The following RAC1 variants were observed in gnomAD, a reference collection of about 807,000 sequenced individuals.
RAC1 encodes the protein ras-related C3 botulinum toxin substrate 1.
In RAC1, 2 loss-of-function variants were observed where a neutral mutation model predicts 25.2. That is an observed-to-expected ratio of 0.08 (90% CI 0.03 to 0.25). RAC1 has a LOEUF of 0.25. RAC1 is among the 10% of genes least tolerant of loss of function. The pLI is 1.00. For missense variants in RAC1, 50 were observed against 235.7 expected (o/e 0.21, Z 5.16); for synonymous variants, 88 against 94.0 (o/e 0.94, Z 0.37).
At chr7:6,386,494 C>G (rs1374214658) in intron 1 of RAC1, among the ~76,000 whole-genome samples, 1 of 151,842 alleles carries the variant, frequency 6.6e-6, no homozygotes, top group Non-Finnish European at 1.5e-5. Flanking sequence ...AATTAAAATA[C>G]CTTTAGGCTG....
At position 6,402,277 on chromosome 7, in the gene RAC1, G is replaced by T. The variant is rs1422286408; in HGVS notation, c.449-39G>T. 12 of 1,568,102 alleles carry T rather than the reference G, an allele frequency of 7.7e-6. 1 individual carries two copies. The highest frequency in any genetic ancestry group is 1.0e-5 in the Non-Finnish European group (12 of 1,155,768). On this transcript the variant is annotated intron_variant, in intron 5 of 5. Transcript: ENST00000348035. ...TGGTGGTGTGATCAGAAGAGAGTGGGGTCGAGTGTACATTGCCGTGTGGTC... is the reference window on the plus strand; with the variant it reads ...TGGTGGTGTGATCAGAAGAGAGTGGTGTCGAGTGTACATTGCCGTGTGGTC...
intron 3 of RAC1, among the ~76,000 whole-genome samples, chr7:6,395,823 C>G (rs757446889): frequency 6.6e-6 from 1 of 152,152 alleles, no homozygotes; most frequent in Non-Finnish European, 1.5e-5. Flanking sequence ...TTTTAAAATT[C>G]CAAACTTGAA....
At chr7:6,396,163 C>G (rs565970453) in intron 3 of RAC1, among the ~76,000 whole-genome samples, 20 of 152,226 alleles carry the variant, frequency 1.3e-4, no homozygotes, top group African/African-American at 4.6e-4. Flanking sequence ...GGCCGGTGAC[C>G]GGAGACAGCC....
intron 3 of RAC1, among the ~76,000 whole-genome samples, chr7:6,392,680 C>T (rs28465670): frequency 7.9e-5 from 12 of 152,158 alleles, no homozygotes; most frequent in African/African-American, 2.2e-4. Flanking sequence ...ACATTGTTGT[C>T]ATTAAAAGTT....
intron 3 of RAC1, among the ~76,000 whole-genome samples, chr7:6,392,959 C>T (rs950798939): frequency 3.3e-5 from 5 of 152,178 alleles, no homozygotes; most frequent in East Asian, 1.9e-4. Context: ...TGGGGCCAGC[C>T]GCTGTCAGAA....
At chr7:6,397,931 G>C (rs1489545658) in intron 3 of RAC1, among the ~76,000 whole-genome samples, 1 of 152,218 alleles carries the variant, frequency 6.6e-6, no homozygotes, top group African/African-American at 2.4e-5. Context: ...AGAGGTTGCA[G>C]TGAGCTGAGA....
rs139010955 is a variant in RAC1, at chr7:6,387,251, C to G, written c.75C>G (p.Thr25=). 284 of 1,569,184 alleles carry G rather than the reference C, an allele frequency of 1.8e-4. 2 individuals are homozygous for G. The African/African-American group carries it at 3.6e-3, about 20-fold the overall frequency. The change falls in exon 2 of 6, where the codon ACC becomes ACG. Residue 25 remains threonine (T), a synonymous_variant. Transcript: ENST00000348035. The part of the protein sequence containing the change: ...GKTCLLISYT[T]NAFPGEYIPT... Reference sequence around the variant, plus strand: ...CTTGCCTACTGATCAGTTACACAACCAATGCATTTCCTGGAGAATATATCC... The same window carrying G: ...CTTGCCTACTGATCAGTTACACAACGAATGCATTTCCTGGAGAATATATCC...
intron 1 of RAC1, among the ~76,000 whole-genome samples, chr7:6,375,409 A>G (rs34593300): frequency 0.075 from 11,423 of 151,946 alleles, 762 homozygotes; most frequent in African/African-American, 0.17. Context: ...AGTTTTTTGT[A>G]GAAATGGGGT....
chr7:6,386,313 G>C (rs1277449077), intron 1 of RAC1, among the ~76,000 whole-genome samples: 1 of 152,132 alleles, frequency 6.6e-6, no homozygotes, highest in Non-Finnish European at 1.5e-5. Flanking sequence ...GAATCAATGT[G>C]ATGGCAGTTA....
At position 6,402,468 on chromosome 7, in the gene RAC1, G is replaced by A. The variant is rs916666566; in HGVS notation, c.*22G>A. 1 of 1,288,426 alleles carries A rather than the reference G, an allele frequency of 7.8e-7. No individual in the cohort carries two copies. Among genetic ancestry groups the A allele is most frequent in the Non-Finnish European group, 1.0e-6 (1 of 988,432 alleles). 79.8% of individuals were successfully genotyped at this position (1,288,426 alleles called of 1,614,324 possible). On this transcript the variant is annotated 3_prime_UTR_variant, in exon 6 of 6. Coordinates refer to ENST00000348035, the MANE Select transcript of RAC1 (RefSeq NM_006908.5). Reference sequence around the variant, plus strand: ...GTAAATGTCTCAGCCCCTCGTTCTTGGTCCTGTCCCTTGGAACCTTTGTAC... The same window carrying A: ...GTAAATGTCTCAGCCCCTCGTTCTTAGTCCTGTCCCTTGGAACCTTTGTAC...
chr7:6,382,518 G>A (rs1782797647), intron 1 of RAC1, among the ~76,000 whole-genome samples: 1 of 152,116 alleles, frequency 6.6e-6, no homozygotes, highest in Non-Finnish European at 1.5e-5. Context: ...TTGGTTTATA[G>A]ATTTCAGGAA....
At chr7:6,384,708 G>A (rs1006440795) in intron 1 of RAC1, among the ~76,000 whole-genome samples, 1 of 151,846 alleles carries the variant, frequency 6.6e-6, no homozygotes, top group Non-Finnish European at 1.5e-5. Flanking sequence ...TGGGCTCAGC[G>A]ATCCTCCCAC....
chr7:6,401,496 A>G (rs1157312998), intron 4 of RAC1: 1 of 159,324 alleles, frequency 6.3e-6, no homozygotes, highest in Non-Finnish European at 1.4e-5. Context: ...ATTTCTGAAC[A>G]GATGATGAAT....
At chr7:6,383,784 C>CTT (rs34847745) in intron 1 of RAC1, among the ~76,000 whole-genome samples, 741 of 39,740 alleles carry the variant, frequency 0.019, 90 homozygotes, top group East Asian at 0.068. Context: ...CAACCTTTAT[C>CTT]TTTTTTTTTT....
chr7:6,401,819 A>G, intron 4 of RAC1, 49 bp from the exon 5 acceptor site: 1 of 1,562,732 alleles, frequency 6.4e-7, no homozygotes, highest in Non-Finnish European at 8.7e-7. Context: ...TAGGTGAAGG[A>G]CATCTGTAAA....
At chr7:6,384,502 G>A (rs1782866087) in intron 1 of RAC1, among the ~76,000 whole-genome samples, 1 of 152,136 alleles carries the variant, frequency 6.6e-6, no homozygotes, top group Non-Finnish European at 1.5e-5. Context: ...TTGTTGAGAT[G>A]GGATCGTGCT....
chr7:6,395,598 T>C (rs1398059983), intron 3 of RAC1, among the ~76,000 whole-genome samples: 1 of 152,224 alleles, frequency 6.6e-6, no homozygotes, highest in Admixed American at 6.5e-5. Flanking sequence ...TGAGTTGTTT[T>C]TTTTAAAGTT....
chr7:6,393,087 G>C (rs1251354354), intron 3 of RAC1, among the ~76,000 whole-genome samples: 4 of 152,176 alleles, frequency 2.6e-5, no homozygotes, highest in Non-Finnish European at 5.9e-5. Flanking sequence ...GGAGGGATTG[G>C]GGTTGGGGTT....
chr7:6,398,775 C>T (rs1783317511), intron 3 of RAC1: 2 of 1,514,026 alleles, frequency 1.3e-6, no homozygotes, highest in African/African-American at 1.4e-5. Context: ...TCTCATTTCA[C>T]TTCGTTTTCC....
Sources: allele counts gnomAD v4.1 joint callset (sites outside exome capture counted in the v4.1 genomes callset), GRCh38; gene constraint gnomAD v4.1.1; transcripts MANE v1.5; gene names NCBI Gene and HGNC (gene_info 2026-07-23, HGNC 2026-07-21).